Variants in BAIAP2L1 observed in about 807,000 individuals in gnomAD.
BAIAP2L1 encodes the protein BAR/IMD domain containing adaptor protein 2 like 1, also known as BAR/IMD domain-containing adapter protein 2-like 1.
A neutral mutation model predicts 66.3 loss-of-function variants in BAIAP2L1; 35 were observed. The observed-to-expected ratio is 0.53, with a 90% CI of 0.40 to 0.70. BAIAP2L1 has a LOEUF of 0.70. Ranked by LOEUF, BAIAP2L1 falls within the 30% of genes least tolerant of loss-of-function variation. The pLI is 0.00. For synonymous variants in BAIAP2L1, 269 were observed against 248.7 expected (o/e 1.08, Z -0.77); for missense variants, 622 against 656.9 (o/e 0.95, Z 0.58).
intron 5 of BAIAP2L1, among the ~76,000 whole-genome samples, chr7:98,318,852 G>A (rs1040473397): frequency 6.6e-6 from 1 of 150,870 alleles, no homozygotes; most frequent in African/African-American, 2.4e-5. Context: ...GCTGAGGTAG[G>A]AGAATCGCTG....
chr7:98,355,027 G>A lies in BAIAP2L1; in HGVS notation c.214+15C>T. Reference sequence around the variant, plus strand: ...TGACAAGTGGGGTTTATGTATAAAGGGACAGATCGCTCACCCAGTTCAGTT... The same window carrying A: ...TGACAAGTGGGGTTTATGTATAAAGAGACAGATCGCTCACCCAGTTCAGTT... On this transcript the variant is annotated intron_variant, in intron 3 of 13. Coordinates refer to ENST00000005260, the MANE Select transcript of BAIAP2L1 (RefSeq NM_018842.5). 6.2e-7 allele frequency: 1 copy of A among 1,600,450 alleles called. No homozygotes were observed. Among genetic ancestry groups the A allele is most frequent in the Non-Finnish European group, 8.6e-7 (1 of 1,167,580 alleles).
At chr7:98,394,505 G>A (rs1414211900) in intron 1 of BAIAP2L1, among the ~76,000 whole-genome samples, 8 of 151,922 alleles carry the variant, frequency 5.3e-5, no homozygotes, top group Admixed American at 1.3e-4. Flanking sequence ...TGGAACAAAC[G>A]ATTTTGTTTG....
chr7:98,399,011 A>G (rs1584513755), intron 1 of BAIAP2L1, among the ~76,000 whole-genome samples: 1 of 152,170 alleles, frequency 6.6e-6, no homozygotes, highest in Admixed American at 6.6e-5. Flanking sequence ...CAGTCAACAG[A>G]GCAGCCACTA....
chr7:98,371,153 C>G (rs962936973), intron 1 of BAIAP2L1, among the ~76,000 whole-genome samples: 3 of 152,060 alleles, frequency 2.0e-5, no homozygotes, highest in African/African-American at 7.2e-5. Flanking sequence ...CCAAGTGAAT[C>G]TTAACAAAGT....
chr7:98,315,385 G>C, intron 7 of BAIAP2L1, 75 bp downstream of exon 7: 3 of 1,287,908 alleles, frequency 2.3e-6, no homozygotes, highest in Non-Finnish European at 3.0e-6. Context: ...CGTGGGCCAC[G>C]GCCCAGCCTT....
intron 6 of BAIAP2L1, 111 bp from the exon 7 acceptor site, chr7:98,315,723 A>G (rs1801055550): frequency 2.2e-6 from 1 of 448,462 alleles, no homozygotes; most frequent in South Asian, 1.0e-4. Flanking sequence ...CTTTATTTGA[A>G]TAATAGAGTA....
At chr7:98,379,116 C>T (rs1045030611) in intron 1 of BAIAP2L1, among the ~76,000 whole-genome samples, 4 of 152,054 alleles carry the variant, frequency 2.6e-5, no homozygotes, top group South Asian at 4.1e-4. Flanking sequence ...TGACCTCAGG[C>T]GATCCGCCCG....
At chr7:98,377,589 C>T (rs962420812) in intron 1 of BAIAP2L1, among the ~76,000 whole-genome samples, 3 of 152,068 alleles carry the variant, frequency 2.0e-5, no homozygotes, top group Non-Finnish European at 4.4e-5. Flanking sequence ...GAGACCAAGG[C>T]GGGTGGATCA....
chr7:98,347,593 G>A (rs1404554810), intron 3 of BAIAP2L1, among the ~76,000 whole-genome samples: 1 of 151,966 alleles, frequency 6.6e-6, no homozygotes, highest in Non-Finnish European at 1.5e-5. Flanking sequence ...GGCTAACATG[G>A]TGAAAACCCG....
intron 3 of BAIAP2L1, among the ~76,000 whole-genome samples, chr7:98,326,547 T>C (rs1236942773): frequency 6.6e-6 from 1 of 152,202 alleles, no homozygotes; most frequent in African/African-American, 2.4e-5. Context: ...TAGAAGCTCA[T>C]ACTGGGACAA....
At chr7:98,365,041 TA>T (rs1309580195) in intron 1 of BAIAP2L1, among the ~76,000 whole-genome samples, 3 of 141,782 alleles carry the variant, frequency 2.1e-5, no homozygotes, top group African/African-American at 7.6e-5. Flanking sequence ...CCACTGTCTT[TA>T]GCATCTGGGT....
intron 7 of BAIAP2L1, among the ~76,000 whole-genome samples, chr7:98,314,053 T>G (rs1275132774): frequency 6.9e-6 from 1 of 145,796 alleles, no homozygotes; most frequent in Non-Finnish European, 1.5e-5. Context: ...TGGTGTGATC[T>G]GGGCTCACTG....
chr7:98,396,090 G>C (rs1020229689), intron 1 of BAIAP2L1, among the ~76,000 whole-genome samples: 2 of 151,984 alleles, frequency 1.3e-5, no homozygotes, highest in African/African-American at 4.8e-5. Context: ...ATTTTTTCTT[G>C]AGATGGGGTC....
intron 3 of BAIAP2L1, among the ~76,000 whole-genome samples, chr7:98,347,428 C>T (rs1801895640): frequency 6.6e-6 from 1 of 152,090 alleles, no homozygotes; most frequent in Non-Finnish European, 1.5e-5. Flanking sequence ...ATGCCATTAC[C>T]ATGCAAAACA....
At chr7:98,333,091 G>A (rs1028644834) in intron 3 of BAIAP2L1, among the ~76,000 whole-genome samples, 1 of 151,988 alleles carries the variant, frequency 6.6e-6, no homozygotes, top group Admixed American at 6.6e-5. Flanking sequence ...TGAGTTCCCC[G>A]CAGTGCACGT....
chr7:98,315,640 T>TAATAAA, intron 6 of BAIAP2L1, 28 bp from the exon 7 acceptor site: 1 of 1,082,064 alleles, frequency 9.2e-7, no homozygotes, highest in Non-Finnish European at 1.2e-6. Flanking sequence ...ATAATAATAA[T>TAATAAA]AATTATATAA....
chr7:98,384,743 G>A (rs979293941), intron 1 of BAIAP2L1, among the ~76,000 whole-genome samples: 3 of 146,468 alleles, frequency 2.0e-5, no homozygotes, highest in African/African-American at 7.7e-5. Context: ...TGTTGCCCAG[G>A]CTGGAGCGTA....
At chr7:98,375,169 T>C (rs1423069790) in intron 1 of BAIAP2L1, among the ~76,000 whole-genome samples, 1 of 147,168 alleles carries the variant, frequency 6.8e-6, no homozygotes, top group African/African-American at 2.5e-5. Flanking sequence ...CTGAGGCAGG[T>C]GGATCACGAG....
At chr7:98,374,688 A>G (rs1802579819) in intron 1 of BAIAP2L1, among the ~76,000 whole-genome samples, 1 of 152,068 alleles carries the variant, frequency 6.6e-6, no homozygotes, top group Non-Finnish European at 1.5e-5. Context: ...GGTGAATATA[A>G]TTAATCTAAT....
Sources: gnomAD v4.1 joint callset for allele counts (sites outside exome capture counted in the v4.1 genomes callset) on GRCh38, gnomAD v4.1.1 for gene constraint, MANE v1.5 for transcripts, NCBI Gene and HGNC (gene_info 2026-07-23, HGNC 2026-07-21) for gene names.